RAB3C: variants seen among roughly 807,000 people sequenced by gnomAD.
The protein encoded by RAB3C is ras-related protein Rab-3C.
RAB3C carries 17 observed loss-of-function variants against 26.4 expected under a neutral mutation model. That is an observed-to-expected ratio of 0.64 (90% CI 0.44 to 0.97). The LOEUF is 0.97. Among genes scored for constraint, RAB3C ranks in the 50% least tolerant of loss-of-function variants. The probability of loss-of-function intolerance (pLI) is 0.00; values close to 1 mark genes in which losing one functional copy is unlikely to be tolerated. For missense variants in RAB3C, 242 were observed against 281.9 expected, an observed-to-expected ratio of 0.86 and a Z score of 1.01; for synonymous variants, 91 against 95.9, an observed-to-expected ratio of 0.95 and a Z score of 0.30.
chr5:58,825,076 A>G lies in RAB3C; in HGVS notation c.410A>G (p.Gln137Arg), dbSNP rs760717081. 2 of 1,613,444 alleles carry G rather than the reference A, an allele frequency of 1.2e-6. No homozygotes were observed. Among genetic ancestry groups the G allele is most frequent in the Non-Finnish European group, 1.7e-6 (2 of 1,179,572 alleles). The change falls in exon 4 of 5, where the codon CAA (glutamine) becomes CGA (arginine). Residue 137 changes from glutamine (Q) to arginine (R), a missense_variant. Physicochemically the swap from Gln to Arg is conservative, Grantham distance 43 (BLOSUM62 1). Coordinates refer to ENST00000282878, the MANE Select transcript of RAB3C (RefSeq NM_138453.4). ...QIKTYSWDNAQVILVGNKCDM... is the reference protein window; with the variant it reads ...QIKTYSWDNARVILVGNKCDM... ...AAAACATACTCTTGGGACAATGCCC[A>G]AGTTATTCTGGTTGGGAACAAGTGT... is the stretch of plus-strand genomic sequence containing the variant.
Position 58,809,418 on chromosome 5 carries a change from C to T in RAB3C, c.372-15620C>T, listed in dbSNP as rs534402965. Among the ~76,000 whole-genome samples the T allele has an allele frequency of 1.4e-4, 20 of 147,914 alleles. No individual in the cohort carries two copies. The East Asian group carries it at 3.6e-3, about 26-fold the overall frequency. On this transcript the variant is annotated intron_variant, in intron 3 of 4. Transcript: ENST00000282878. ...AAAAAAAAAAACCTTAGCAGAGGCA[C>T]AAATTGAAAAATGTACAATATATGA...
At chr5:58,690,906 C>T (rs1023740769) in intron 2 of RAB3C, among the ~76,000 whole-genome samples, 2 of 151,922 alleles carry the variant, frequency 1.3e-5, no homozygotes, top group African/African-American at 4.8e-5. Flanking sequence ...ACTAATAAAT[C>T]CAGTTACCAC....
chr5:58,607,328 A>G lies in RAB3C; in HGVS notation c.25-10315A>G, dbSNP rs1746594815. The stretch of plus-strand genomic sequence containing the variant: ...AAGGATATCAGTGATTGAGAATCAA[A>G]TTAATGAAATAAAGCAAGAAGACAA... On this transcript the variant is annotated intron_variant, in intron 1 of 4. Transcript: ENST00000282878. Among the ~76,000 whole-genome samples, 3 of 152,238 alleles carry G rather than the reference A, an allele frequency of 2.0e-5. No individual in the cohort carries two copies. The South Asian group carries it at 6.2e-4, about 31-fold the overall frequency.
intron 3 of RAB3C, among the ~76,000 whole-genome samples, chr5:58,801,156 T>C (rs1434541753): frequency 6.6e-6 from 1 of 151,100 alleles, no homozygotes; most frequent in Admixed American, 6.6e-5. Context: ...CTTTCTTTCT[T>C]GGACTCTAGA....
At chr5:58,631,747 T>G (rs1240286049) in intron 2 of RAB3C, among the ~76,000 whole-genome samples, 1 of 152,180 alleles carries the variant, frequency 6.6e-6, no homozygotes, top group African/African-American at 2.4e-5. Flanking sequence ...GGGTTTTTCC[T>G]CTCTTCAAAT....
intron 4 of RAB3C, among the ~76,000 whole-genome samples, chr5:58,828,649 T>C (rs934278157): frequency 3.3e-5 from 5 of 152,222 alleles, no homozygotes; most frequent in African/African-American, 1.2e-4. Context: ...AGAGTAGTGG[T>C]CTAATCATCT....
intron 2 of RAB3C, among the ~76,000 whole-genome samples, chr5:58,709,938 G>C (rs777133663): frequency 1.3e-5 from 2 of 152,110 alleles, no homozygotes; most frequent in Non-Finnish European, 2.9e-5. Context: ...GGAGGCCGTG[G>C]GTAACTTTGT....
chr5:58,587,708 A>G (rs148191159), intron 1 of RAB3C, among the ~76,000 whole-genome samples: 1 of 152,162 alleles, frequency 6.6e-6, no homozygotes, highest in Non-Finnish European at 1.5e-5. Flanking sequence ...GTATTCCTTC[A>G]TGGTTTTTCC....
intron 2 of RAB3C, among the ~76,000 whole-genome samples, chr5:58,693,353 T>TATATATATATATATATATAC (rs911414778): frequency 1.3e-4 from 18 of 142,256 alleles, no homozygotes; most frequent in African/African-American, 4.6e-4. Flanking sequence ...TATATATATA[T>TATATATATATATATATATAC]ATATATATAA....
At chr5:58,582,869 A>T (rs1745929112), upstream of RAB3C, among the ~76,000 whole-genome samples, 1 of 152,218 alleles carries the variant, frequency 6.6e-6, no homozygotes, top group South Asian at 2.1e-4. Flanking sequence ...GAGGTAACCC[A>T]GGAGCGTTTG....
chr5:58,721,299 A>C (rs1740754617), intron 2 of RAB3C, among the ~76,000 whole-genome samples: 1 of 150,792 alleles, frequency 6.6e-6, no homozygotes, highest in South Asian at 2.1e-4. Context: ...CATGGAAGAA[A>C]GTTTTTATTT....
At chr5:58,838,217 A>T (rs982246561) in intron 4 of RAB3C, among the ~76,000 whole-genome samples, 4 of 152,034 alleles carry the variant, frequency 2.6e-5, no homozygotes, top group African/African-American at 4.8e-5. Flanking sequence ...CGTCTCTACT[A>T]AAAATACAAA....
chr5:58,810,778 G>C (rs1435662603), intron 3 of RAB3C, among the ~76,000 whole-genome samples: 3 of 152,166 alleles, frequency 2.0e-5, no homozygotes. Context: ...TGTATGTTTA[G>C]TAGAGACGGG....
chr5:58,755,847 T>G (rs891301678), intron 3 of RAB3C, among the ~76,000 whole-genome samples: 2 of 152,194 alleles, frequency 1.3e-5, no homozygotes, highest in Non-Finnish European at 2.9e-5. Flanking sequence ...TTTAAACCAA[T>G]TTTTAAGTAT....
intron 2 of RAB3C, among the ~76,000 whole-genome samples, chr5:58,676,375 C>A (rs1003828597): frequency 2.6e-5 from 4 of 151,902 alleles, no homozygotes; most frequent in Admixed American, 6.6e-5. Flanking sequence ...TGGTGGCAGG[C>A]GCTTGTAATC....
chr5:58,586,711 C>A (rs184673608), intron 1 of RAB3C, among the ~76,000 whole-genome samples: 1 of 151,734 alleles, frequency 6.6e-6, no homozygotes, highest in Admixed American at 6.6e-5. Context: ...AATATATCTA[C>A]CCAAAACATG....
At chr5:58,589,911 G>A (rs751653357) in intron 1 of RAB3C, among the ~76,000 whole-genome samples, 1 of 152,154 alleles carries the variant, frequency 6.6e-6, no homozygotes, top group Non-Finnish European at 1.5e-5. Context: ...GATGAAGAAG[G>A]CTGTGTGTCA....
intron 4 of RAB3C, among the ~76,000 whole-genome samples, chr5:58,840,941 G>T (rs953543363): frequency 3.9e-5 from 6 of 152,224 alleles, no homozygotes; most frequent in Non-Finnish European, 7.3e-5. Flanking sequence ...ACCTAGAATT[G>T]TGCCTGCCAG....
chr5:58,596,686 A>T (rs10036512), intron 1 of RAB3C, among the ~76,000 whole-genome samples: 10,064 of 63,070 alleles, frequency 0.16, 1,409 homozygotes, highest in South Asian at 0.24. Context: ...TATATAATAT[A>T]TAATACATAA....
Sources: allele counts gnomAD v4.1 joint callset (sites outside exome capture counted in the v4.1 genomes callset), GRCh38; gene constraint gnomAD v4.1.1; transcripts MANE v1.5; gene names NCBI Gene and HGNC (gene_info 2026-07-23, HGNC 2026-07-21).